The following PRDM16 variants were observed in gnomAD, a reference collection of about 807,000 sequenced individuals.
The protein encoded by PRDM16 is histone-lysine N-methyltransferase PRDM16.
PRDM16 carries 23 observed loss-of-function variants against 110.6 expected under a neutral mutation model. That is an observed-to-expected ratio of 0.21 (90% CI 0.15 to 0.29). The LOEUF (loss-of-function observed/expected upper bound fraction) is 0.29. Among genes scored for constraint, PRDM16 ranks in the 10% least tolerant of loss-of-function variants. PRDM16 has a pLI of 1.00. For missense variants in PRDM16, 1,615 were observed against 1,794.3 expected, an observed-to-expected ratio of 0.90 and a Z score of 1.81; for synonymous variants, 799 against 781.8, an observed-to-expected ratio of 1.02 and a Z score of -0.37.
intron 1 of PRDM16, among the ~76,000 whole-genome samples, chr1:3,136,481 T>G (rs1384086914): frequency 1.3e-5 from 2 of 152,166 alleles, no homozygotes; most frequent in African/African-American, 2.4e-5. Flanking sequence ...TGTCACTGTT[T>G]CCCTGAATTA....
At chr1:3,405,365 G>T in intron 7 of PRDM16, 130 bp from the exon 8 acceptor site, 1 of 1,053,164 alleles carries the variant, frequency 9.5e-7, no homozygotes, top group Non-Finnish European at 1.3e-6. Flanking sequence ...CGGCCTGCTT[G>T]GTGCAGACTG....
chr1:3,288,359 GCT>G (rs1640902775), intron 3 of PRDM16, among the ~76,000 whole-genome samples: 1 of 152,190 alleles, frequency 6.6e-6, no homozygotes, highest in Non-Finnish European at 1.5e-5. Context: ...CCCACTCCCC[GCT>G]CTGTCTCTCT....
At position 3,411,409 on chromosome 1, in the gene PRDM16, G is replaced by A. The variant is rs139129844; in HGVS notation, c.1212G>A (p.Thr404=). 5.8e-3 allele frequency: 9,278 copies of A among 1,613,132 alleles called. 28 individuals are homozygous for A. Among genetic ancestry groups the A allele is most frequent in the Non-Finnish European group, 7.1e-3 (8,340 of 1,179,152 alleles). The change falls in exon 9 of 17, where the codon ACG becomes ACA. Residue 404 remains threonine (T), a synonymous_variant. Transcript: ENST00000270722. ...FICEVCHKSY[T]QFSNLCRHKR... is the part of the protein sequence containing the mutation. Reference sequence around the variant, plus strand: ...GTGAGGTCTGCCACAAGTCCTACACGCAGTTCTCCAACCTGTGCCGGCACA... The same window carrying A: ...GTGAGGTCTGCCACAAGTCCTACACACAGTTCTCCAACCTGTGCCGGCACA...
intron 3 of PRDM16, among the ~76,000 whole-genome samples, chr1:3,286,031 C>G (rs1166358645): frequency 6.6e-6 from 1 of 152,228 alleles, no homozygotes; most frequent in Non-Finnish European, 1.5e-5. Context: ...ACCCCCATAA[C>G]TATGGGACCA....
At chr1:3,415,841 G>C (rs1638234422) in intron 10 of PRDM16, among the ~76,000 whole-genome samples, 1 of 152,232 alleles carries the variant, frequency 6.6e-6, no homozygotes. Context: ...GTCTAAGGTT[G>C]GGCTGTCACT....
chr1:3,180,994 A>ACT (rs1644150481), intron 1 of PRDM16, among the ~76,000 whole-genome samples: 3 of 136,924 alleles, frequency 2.2e-5, no homozygotes, highest in Admixed American at 7.3e-5. Flanking sequence ...AGTCTTACAC[A>ACT]CGATCTTACA....
chr1:3,182,103 C>T (rs917777228), intron 1 of PRDM16, among the ~76,000 whole-genome samples: 2 of 152,258 alleles, frequency 1.3e-5, no homozygotes, highest in Non-Finnish European at 2.9e-5. Context: ...AGCCACCACA[C>T]GGTGCCTCTT....
chr1:3,239,025 C>T (rs1036473762), intron 2 of PRDM16, among the ~76,000 whole-genome samples: 15 of 152,344 alleles, frequency 9.8e-5, no homozygotes, highest in Middle Eastern at 3.4e-3. Context: ...TGTGGCAGGG[C>T]CCCAAAAAAT....
intron 3 of PRDM16, among the ~76,000 whole-genome samples, chr1:3,334,850 T>G (rs926470032): frequency 6.6e-6 from 1 of 152,244 alleles, no homozygotes; most frequent in Admixed American, 6.5e-5. Flanking sequence ...CAGGCATTTT[T>G]AATCCACTTT....
At chr1:3,178,157 G>A (rs1395322485) in intron 1 of PRDM16, among the ~76,000 whole-genome samples, 3 of 152,208 alleles carry the variant, frequency 2.0e-5, no homozygotes, top group East Asian at 1.9e-4. Flanking sequence ...TGAGGAGCAC[G>A]TGGCAATAAG....
intron 3 of PRDM16, among the ~76,000 whole-genome samples, chr1:3,352,151 A>T (rs1270707297): frequency 1.3e-5 from 2 of 152,172 alleles, no homozygotes; most frequent in African/African-American, 2.4e-5. Context: ...TGCCTGGCAC[A>T]GTCCACCTGC....
At chr1:3,431,816 G>A (rs1569790495) in intron 15 of PRDM16, 150 bp from the exon 16 acceptor site, 3 of 737,882 alleles carry the variant, frequency 4.1e-6, no homozygotes, top group East Asian at 5.3e-5. Context: ...CCAGGCGTCT[G>A]TGTGTCCGTG....
intron 1 of PRDM16, among the ~76,000 whole-genome samples, chr1:3,126,169 C>T (rs1054760463): frequency 4.6e-5 from 7 of 152,220 alleles, no homozygotes; most frequent in Non-Finnish European, 7.3e-5. Flanking sequence ...TGGGCCCGGG[C>T]GCCGCTGGCC....
chr1:3,351,537 TCCCTCTCTGTCCCCCTC>T (rs1642484426), intron 3 of PRDM16, among the ~76,000 whole-genome samples: 9 of 2,900 alleles, frequency 3.1e-3, no homozygotes, highest in Non-Finnish European at 4.5e-3. Context: ...TCTGTCCCCC[TCCCTCTCTGTCCCCCTC>T]CCTCTCTCAT....
intron 2 of PRDM16, among the ~76,000 whole-genome samples, chr1:3,237,139 C>T (rs1287055372): frequency 6.6e-6 from 1 of 152,122 alleles, no homozygotes; most frequent in Non-Finnish European, 1.5e-5. Context: ...TGCAAACTGT[C>T]CCTCCTCCAC....
At position 3,358,362 on chromosome 1, in the gene PRDM16, G is replaced by A. The variant is rs1409696064; in HGVS notation, c.439-26790G>A. Among the ~76,000 whole-genome samples the A allele has an allele frequency of 2.6e-5, 4 of 152,230 alleles. No homozygotes were observed. Among genetic ancestry groups the A allele is most frequent in the African/African-American group, 9.6e-5 (4 of 41,466 alleles). On this transcript the variant is annotated intron_variant, in intron 3 of 16. Coordinates refer to ENST00000270722, the MANE Select transcript of PRDM16 (RefSeq NM_022114.4). The surrounding 1 kb of genome is among the most constrained non-coding windows in gnomAD (Gnocchi z 4.0). Reference sequence around the variant, plus strand: ...CTTCCCCCTGGCTGAGGGTGCTGGAGAAGACCTGGGCAGTGGGTGGCAGCC... The same window carrying A: ...CTTCCCCCTGGCTGAGGGTGCTGGAAAAGACCTGGGCAGTGGGTGGCAGCC...
rs57176063 is a variant in PRDM16, at chr1:3,358,260, C to T, written c.439-26892C>T. Among the ~76,000 whole-genome samples, 6,757 of 152,324 alleles carry T rather than the reference C, an allele frequency of 0.044. 457 individuals carry two copies. Among genetic ancestry groups the T allele is most frequent in the African/African-American group, 0.15 (6,363 of 41,566 alleles). On this transcript the variant is annotated intron_variant, in intron 3 of 16. Transcript: ENST00000270722. The surrounding 1 kb of genome is among the most constrained non-coding windows in gnomAD (Gnocchi z 4.0). Reference sequence around the variant, plus strand: ...GTCACCATGAGACTCCCGGTTCTGCCTCCTGGGGACCCAGCCTGCCTGCTG... The same window carrying T: ...GTCACCATGAGACTCCCGGTTCTGCTTCCTGGGGACCCAGCCTGCCTGCTG...
intron 3 of PRDM16, among the ~76,000 whole-genome samples, chr1:3,330,374 G>A (rs547299307): frequency 2.0e-5 from 3 of 152,330 alleles, no homozygotes; most frequent in East Asian, 1.9e-4. Flanking sequence ...TTGGCAAGGC[G>A]TCCGCTCAAG....
At position 3,353,702 on chromosome 1, in the gene PRDM16, G is replaced by C. The variant is rs925767339; in HGVS notation, c.439-31450G>C. Among the ~76,000 whole-genome samples the C allele has an allele frequency of 1.3e-5, 2 of 152,218 alleles. No individual in the cohort carries two copies. Among genetic ancestry groups the C allele is most frequent in the African/African-American group, 4.8e-5 (2 of 41,478 alleles). ...GAACAGGACAATCCTAGCTCAGGCT[G>C]GTGGAGGTTTGGGGATGCCGAAGCA... is the stretch of plus-strand genomic sequence containing the variant. On this transcript the variant is annotated intron_variant, in intron 3 of 16. Transcript: ENST00000270722. This position sits in a 1 kb window ranked among gnomAD's most constrained non-coding sequence, Gnocchi z 5.4.
Sources: gnomAD v4.1 joint callset for allele counts (sites outside exome capture counted in the v4.1 genomes callset) on GRCh38, gnomAD v4.1.1 for gene constraint, Gnocchi (gnomAD v3.1) non-coding constraint, MANE v1.5 for transcripts, NCBI Gene and HGNC (gene_info 2026-07-23, HGNC 2026-07-21) for gene names.